Variants in ZNF738 observed in about 807,000 individuals in gnomAD.
The protein encoded by ZNF738 is zinc finger protein 738.
ZNF738 carries 10 observed loss-of-function variants against 9.2 expected under a neutral mutation model. The observed-to-expected ratio is 1.09, with a 90% CI of 0.67 to 1.85. The LOEUF is 1.85. Among genes scored for constraint, ZNF738 ranks in the 40% most tolerant of loss-of-function variants. The probability of loss-of-function intolerance (pLI) is 0.00; values close to 1 mark genes in which losing one functional copy is unlikely to be tolerated. For missense variants in ZNF738, 346 were observed against 283.6 expected, an observed-to-expected ratio of 1.22 and a Z score of -1.58; for synonymous variants, 113 against 94.5, an observed-to-expected ratio of 1.20 and a Z score of -1.14.
rs1974056610 is a variant in ZNF738 at position 21,385,494 on chromosome 19, T to C, written c.*1820T>C. Reference sequence around the variant, plus strand: ...AAATAAATAAAAAAAATAAGAGAGTTCATACTAGAGAGAAACCCTGCAAAT... The same window carrying C: ...AAATAAATAAAAAAAATAAGAGAGTCCATACTAGAGAGAAACCCTGCAAAT... On this transcript the variant is annotated 3_prime_UTR_variant, in exon 5 of 5. Coordinates refer to ENST00000683779, the MANE Select transcript of ZNF738 (RefSeq NM_001355237.2). Among the ~76,000 whole-genome samples, 1 of 151,642 alleles carries C rather than the reference T, an allele frequency of 6.6e-6. No individual in the cohort carries two copies. The highest frequency in any genetic ancestry group is 6.6e-5 in the Admixed American group (1 of 15,222).
At chr19:21,369,847 ACT>A (rs1383644187) in intron 2 of ZNF738, among the ~76,000 whole-genome samples, 1 of 146,916 alleles carries the variant, frequency 6.8e-6, no homozygotes, top group Non-Finnish European at 1.5e-5. Context: ...ATAGTCTCGC[ACT>A]CTCTCACAGG....
chr19:21,383,879 A>C lies in ZNF738; in HGVS notation c.*205A>C. 2 of 1,412,304 alleles carry C rather than the reference A, an allele frequency of 1.4e-6. No individual in the cohort carries two copies. Among genetic ancestry groups the C allele is most frequent in the Non-Finnish European group, 2.0e-6 (2 of 1,001,584 alleles). The allele number at this position is 1,412,304 out of a possible 1,614,324, so 87.5% of individuals were successfully genotyped here. On this transcript the variant is annotated 3_prime_UTR_variant, in exon 5 of 5. Transcript: ENST00000683779. ...TCTTCAGATTCTCATACCTTACTAC[A>C]CATAAGATAATTCATACTGGAGAGA...
intron 4 of ZNF738, chr19:21,377,475 G>T (rs959913633): frequency 4.3e-6 from 3 of 702,094 alleles, no homozygotes; most frequent in Non-Finnish European, 7.8e-6. Flanking sequence ...TATATATTTG[G>T]AACCTTAGTG....
intron 2 of ZNF738, among the ~76,000 whole-genome samples, chr19:21,364,988 G>C (rs367659563): frequency 2.9e-4 from 41 of 140,796 alleles, no homozygotes; most frequent in African/African-American, 1.0e-3. Context: ...TCCATCTCTT[G>C]ACCTCATGAT....
chr19:21,383,819 G>C lies in ZNF738; in HGVS notation c.*145G>C. The C allele has an allele frequency of 1.6e-6, 2 of 1,288,946 alleles. No homozygotes were observed. Among genetic ancestry groups the C allele is most frequent in the Non-Finnish European group, 2.2e-6 (2 of 890,454 alleles). The allele number at this position is 1,288,946 out of a possible 1,614,324, so 79.8% of individuals were successfully genotyped here. On this transcript the variant is annotated 3_prime_UTR_variant, in exon 5 of 5. Transcript: ENST00000683779. ...TACTCATGAAAATTCATTCTGGAGA[G>C]AAACCCTACAAATGTGGAGAATGTG...
rs1284479175 is a variant in ZNF738, at chr19:21,385,053, A to G, written c.*1379A>G. ...CTTTGACTGGTCCTCTACCCTTACT[A>G]AAGATAAAAGAGTTTGACTGGGTGC... On this transcript the variant is annotated 3_prime_UTR_variant, in exon 5 of 5. Coordinates refer to ENST00000683779, the MANE Select transcript of ZNF738 (RefSeq NM_001355237.2). Among the ~76,000 whole-genome samples the G allele has an allele frequency of 6.6e-6, 1 of 152,226 alleles. No homozygotes were observed. The highest frequency in any genetic ancestry group is 1.5e-5 in the Non-Finnish European group (1 of 68,036).
chr19:21,373,489 G>T (rs1973882458), intron 2 of ZNF738, among the ~76,000 whole-genome samples: 2 of 152,190 alleles, frequency 1.3e-5, no homozygotes, highest in Non-Finnish European at 2.9e-5. Flanking sequence ...TACTGTAGCA[G>T]AAATTGCTGG....
chr19:21,383,224 T>C lies in ZNF738; in HGVS notation c.678T>C (p.His226=). ...LLHLGQHKII[H]IRENSYQCEE... ...ACCTAGGTCAACATAAAATAATTCA[T>C]ATTAGAGAGAATTCTTACCAATGTG... Residue 226 remains histidine, a synonymous_variant, in exon 5 of 5, where the codon CAT becomes CAC. Coordinates refer to ENST00000683779, the MANE Select transcript of ZNF738 (RefSeq NM_001355237.2). 2 of 1,594,868 alleles carry C rather than the reference T, an allele frequency of 1.3e-6. No individual in the cohort carries two copies. The highest frequency in any genetic ancestry group is 1.7e-5 in the Admixed American group (1 of 59,604).
At position 21,386,322 on chromosome 19, in the gene ZNF738, T is replaced by A; in HGVS notation, c.*2648T>A. On this transcript the variant is annotated 3_prime_UTR_variant, in exon 5 of 5. Transcript: ENST00000683779. ...CAACCCTTACTACACATAAGATAAT[T>A]AATGCTGGAGGGAAATCCCACCCAT... 1 of 291,580 alleles carries A rather than the reference T, an allele frequency of 3.4e-6. No homozygotes were observed. The allele number at this position is 291,580 out of a possible 1,614,324, so 18.1% of individuals were successfully genotyped here.
intron 1 of ZNF738, among the ~76,000 whole-genome samples, chr19:21,359,986 A>G (rs8104017): frequency 0.57 from 86,036 of 152,072 alleles, 24,630 homozygotes; most frequent in Middle Eastern, 0.69. Flanking sequence ...CTTGAAAGAA[A>G]GTCTTTTGTA....
chr19:21,364,229 C>T (rs1973744281), intron 2 of ZNF738, among the ~76,000 whole-genome samples: 1 of 137,466 alleles, frequency 7.3e-6, no homozygotes, highest in Non-Finnish European at 1.6e-5. Flanking sequence ...AAGAGCATTG[C>T]AACAGGAGGA....
chr19:21,383,685 C>T lies in ZNF738; in HGVS notation c.*11C>T, dbSNP rs1974034017. Reference sequence around the variant, plus strand: ...TACAAATGTGAATAATGTGGCAAAGCCTTTAATGTATTCGCAACCCTTACT... The same window carrying T: ...TACAAATGTGAATAATGTGGCAAAGTCTTTAATGTATTCGCAACCCTTACT... On this transcript the variant is annotated 3_prime_UTR_variant, in exon 5 of 5. Coordinates refer to ENST00000683779, the MANE Select transcript of ZNF738 (RefSeq NM_001355237.2). 3 of 983,436 alleles carry T rather than the reference C, an allele frequency of 3.1e-6. No individual in the cohort carries two copies. The highest frequency in any genetic ancestry group is 1.6e-6 in the Non-Finnish European group (1 of 620,948). 60.9% of individuals were successfully genotyped at this position (983,436 alleles called of 1,614,324 possible).
intron 1 of ZNF738, 117 bp downstream of exon 1, chr19:21,359,260 G>C: frequency 1.2e-6 from 1 of 819,876 alleles, no homozygotes; most frequent in Non-Finnish European, 2.2e-6. Context: ...TGCGCCCCGA[G>C]TTCTCCTTGC....
At position 21,383,809 on chromosome 19, in the gene ZNF738, AT is replaced by A; in HGVS notation, c.*137del. 3 of 1,254,976 alleles carry A rather than the reference AT, an allele frequency of 2.4e-6. No homozygotes were observed. The Admixed American group carries it at 5.1e-5, about 22-fold the overall frequency. 77.7% of individuals were successfully genotyped at this position (1,254,976 alleles called of 1,614,324 possible). On this transcript the variant is annotated 3_prime_UTR_variant, in exon 5 of 5. Coordinates refer to ENST00000683779, the MANE Select transcript of ZNF738 (RefSeq NM_001355237.2). ...CAAACCTTACTACTCATGAAAATTC[AT>A]TCTGGAGAGAAACCCTACAAATGTG...
chr19:21,379,969 A>T lies in ZNF738; in HGVS notation c.320-2897A>T, dbSNP rs189816252. Among the ~76,000 whole-genome samples, 3 of 152,316 alleles carry T rather than the reference A, an allele frequency of 2.0e-5. No individual in the cohort carries two copies. In the East Asian group the frequency reaches 5.8e-4, roughly 29 times the overall value. On this transcript the variant is annotated intron_variant, in intron 4 of 4. Transcript: ENST00000683779. ...CATCTCATAGAATACTTAATATGTCAAACCCAGGAAAATCAGTAACTAAGT... is the reference window on the plus strand; with the variant it reads ...CATCTCATAGAATACTTAATATGTCTAACCCAGGAAAATCAGTAACTAAGT...
chr19:21,376,753 T>C (rs185688654), intron 4 of ZNF738, among the ~76,000 whole-genome samples: 4 of 152,202 alleles, frequency 2.6e-5, no homozygotes, highest in East Asian at 1.9e-4. Flanking sequence ...ATTAAAAAAT[T>C]GGATTTTTAG....
At chr19:21,373,338 C>CT (rs1198130968) in intron 2 of ZNF738, among the ~76,000 whole-genome samples, 17 of 152,216 alleles carry the variant, frequency 1.1e-4, no homozygotes, top group African/African-American at 4.1e-4. Context: ...TCATGTGACT[C>CT]TAAGGTGAGG....
Position 21,383,627 on chromosome 19 carries a change from A to G in ZNF738, c.1081A>G (p.Arg361Gly). 1.0e-6 allele frequency: 1 copy of G among 964,378 alleles called. No individual in the cohort carries two copies. Among genetic ancestry groups the G allele is most frequent in the Non-Finnish European group, 1.6e-6 (1 of 606,910 alleles). The allele number at this position is 964,378 out of a possible 1,614,324, so 59.7% of individuals were successfully genotyped here. Residue 361 changes from arginine (R) to glycine (G), a missense_variant, in exon 5 of 5, where the codon AGA (arginine) becomes GGA (glycine). Physicochemically the swap from Arg to Gly is moderately radical, Grantham distance 125 (BLOSUM62 -2). Transcript: ENST00000683779. The stretch of plus-strand genomic sequence containing the variant: ...TTTTAATTGGTACTCACACCTTACC[A>G]GACATAAGATAATTCATACTGGAGA... ...KAFNWYSHLT[R>G]HKIIHTGEKP...
intron 2 of ZNF738, among the ~76,000 whole-genome samples, chr19:21,364,912 A>AT (rs71176864): frequency 0.11 from 11,173 of 98,772 alleles, 1,244 homozygotes; most frequent in Non-Finnish European, 0.16. Flanking sequence ...TACCCAGCTA[A>AT]TTTTTTTTTT....
Sources: gnomAD v4.1 joint callset for allele counts (sites outside exome capture counted in the v4.1 genomes callset) on GRCh38, gnomAD v4.1.1 for gene constraint, MANE v1.5 for transcripts, NCBI Gene and HGNC (gene_info 2026-07-23, HGNC 2026-07-21) for gene names.